Variants in EYS observed in about 807,000 individuals in gnomAD.
EYS encodes EGF-like photoreceptor maintenance factor, also known as protein eyes shut homolog.
In EYS, 250 loss-of-function variants were observed where a neutral mutation model predicts 282.1. The ratio of observed to expected loss-of-function variants is 0.89; its 90% CI spans 0.80 to 0.98. The LOEUF (loss-of-function observed/expected upper bound fraction) is 0.98, where lower values mean the gene tolerates loss of function less well. Ranked by LOEUF, EYS falls within the 50% of genes least tolerant of loss-of-function variation. The pLI is 0.00. For missense variants in EYS, 4,016 were observed against 3,709.0 expected (o/e 1.08, Z -2.15); for synonymous variants, 1,355 against 1,282.9 (o/e 1.06, Z -1.20).
At chr6:65,517,264 T>C (rs1767171392) in intron 2 of EYS, among the ~76,000 whole-genome samples, 1 of 151,860 alleles carries the variant, frequency 6.6e-6, no homozygotes, top group South Asian at 2.1e-4. Flanking sequence ...AATAGCTTAT[T>C]TTCTGTCCCA....
chr6:65,557,312 C>A (rs145898810), intron 2 of EYS, among the ~76,000 whole-genome samples: 1 of 152,144 alleles, frequency 6.6e-6, no homozygotes, highest in Non-Finnish European at 1.5e-5. Context: ...GGAGTGTGTG[C>A]GTGAAAGAGT....
Position 65,207,428 on chromosome 6 carries a change from G to T in EYS, c.2023+88435C>A, listed in dbSNP as rs112509868. Among the ~76,000 whole-genome samples the T allele has an allele frequency of 3.4e-3, 510 of 151,634 alleles. 1 individual carries two copies. Among genetic ancestry groups the T allele is most frequent in the Middle Eastern group, 6.8e-3 (2 of 294 alleles). On this transcript the variant is annotated intron_variant, in intron 12 of 42. Transcript: ENST00000503581. ...CTCATGTTCATGGATTGGAAGAATT[G>T]ATATTGTTAAAAGTACCATAGTGCC...
At chr6:63,920,728 C>T (rs1374936638) in intron 35 of EYS, among the ~76,000 whole-genome samples, 1 of 152,200 alleles carries the variant, frequency 6.6e-6, no homozygotes, top group Non-Finnish European at 1.5e-5. Context: ...AAACAATCAT[C>T]TTCCAGGCAC....
At chr6:63,896,562 T>C (rs2149728442) in intron 35 of EYS, among the ~76,000 whole-genome samples, 1 of 152,268 alleles carries the variant, frequency 6.6e-6, no homozygotes, top group South Asian at 2.1e-4. Flanking sequence ...ACTGACACAT[T>C]TTTATAACTC....
chr6:65,139,252 TA>T (rs1377594013), intron 12 of EYS, among the ~76,000 whole-genome samples: 11 of 151,946 alleles, frequency 7.2e-5, no homozygotes, highest in Middle Eastern at 3.4e-3. Flanking sequence ...TATGCAGCCA[TA>T]AAAAAAGAAT....
intron 35 of EYS, among the ~76,000 whole-genome samples, chr6:63,939,278 A>G (rs571489271): frequency 1.3e-5 from 2 of 152,268 alleles, no homozygotes; most frequent in African/African-American, 4.8e-5. Context: ...TAAGAGGGAT[A>G]CCAAGTTTGT....
intron 22 of EYS, among the ~76,000 whole-genome samples, chr6:64,679,336 G>A (rs920868955): frequency 6.6e-6 from 1 of 151,972 alleles, no homozygotes; most frequent in African/African-American, 2.4e-5. Flanking sequence ...GATATATATA[G>A]CCTAAGGATT....
chr6:64,354,352 T>A (rs1038852775), intron 29 of EYS, among the ~76,000 whole-genome samples: 1 of 151,638 alleles, frequency 6.6e-6, no homozygotes, highest in Non-Finnish European at 1.5e-5. Flanking sequence ...ATCACCACTA[T>A]TGATCATTCC....
intron 12 of EYS, among the ~76,000 whole-genome samples, chr6:65,155,345 A>C (rs1306621710): frequency 6.6e-6 from 1 of 151,504 alleles, no homozygotes; most frequent in Non-Finnish European, 1.5e-5. Flanking sequence ...GCCCACACCA[A>C]GAGCTTTGCC....
At chr6:64,835,778 T>G (rs1765365220) in intron 19 of EYS, among the ~76,000 whole-genome samples, 1 of 151,642 alleles carries the variant, frequency 6.6e-6, no homozygotes, top group East Asian at 1.9e-4. Flanking sequence ...TTATAACAAA[T>G]TTAAACTTTA....
At chr6:65,344,989 A>C (rs1770340490) in intron 9 of EYS, among the ~76,000 whole-genome samples, 1 of 151,718 alleles carries the variant, frequency 6.6e-6, no homozygotes, top group South Asian at 2.1e-4. Flanking sequence ...TATAGTAAAC[A>C]AATCTAAACT....
At chr6:64,222,458 A>G (rs1272717183) in intron 31 of EYS, among the ~76,000 whole-genome samples, 2 of 152,140 alleles carry the variant, frequency 1.3e-5, no homozygotes, top group African/African-American at 4.8e-5. Flanking sequence ...GGTTCACATT[A>G]GCCCTTGTTT....
chr6:65,126,743 T>C (rs560184544), intron 12 of EYS, among the ~76,000 whole-genome samples: 120 of 152,304 alleles, frequency 7.9e-4, no homozygotes, highest in Middle Eastern at 3.4e-3. Context: ...CTGCCACTTA[T>C]TGTGCCAAGT....
At position 64,527,746 on chromosome 6, in the gene EYS, TA is replaced by T. The variant is rs547045227; in HGVS notation, c.5644+62476del. Among the ~76,000 whole-genome samples the T allele has an allele frequency of 1.1e-4, 16 of 151,710 alleles. No homozygotes were observed. The East Asian group carries it at 3.1e-3, about 29-fold the overall frequency. On this transcript the variant is annotated intron_variant, in intron 26 of 42. Transcript: ENST00000503581. ...ATGATATTTAATAAGGAACCATAAATAAAAAATAAAATTTAAAGGAAACCCA... is the reference window on the plus strand; with the variant it reads ...ATGATATTTAATAAGGAACCATAAATAAAAATAAAATTTAAAGGAAACCCA...
At chr6:64,271,549 A>G (rs1276427643) in intron 30 of EYS, among the ~76,000 whole-genome samples, 1 of 152,110 alleles carries the variant, frequency 6.6e-6, no homozygotes, top group African/African-American at 2.4e-5. Flanking sequence ...AGAGCCTCTT[A>G]TATGTTCTTT....
chr6:64,631,178 A>C (rs1582974199), intron 22 of EYS: 1 of 152,318 alleles, frequency 6.6e-6, no homozygotes. Flanking sequence ...GCAACTGTTA[A>C]AAATGAGAAC....
intron 40 of EYS, among the ~76,000 whole-genome samples, chr6:63,772,376 T>A (rs913631480): frequency 2.0e-5 from 3 of 152,124 alleles, no homozygotes; most frequent in African/African-American, 7.2e-5. Flanking sequence ...TATGCCTAGA[T>A]CTCTTTCATG....
At chr6:65,469,769 C>T (rs1289828150) in intron 5 of EYS, among the ~76,000 whole-genome samples, 1 of 151,870 alleles carries the variant, frequency 6.6e-6, no homozygotes, top group African/African-American at 2.4e-5. Flanking sequence ...TCTCACTATC[C>T]TCAAAAAACT....
chr6:64,093,663 A>G (rs776803160), intron 31 of EYS, among the ~76,000 whole-genome samples: 36 of 152,106 alleles, frequency 2.4e-4, no homozygotes, highest in Non-Finnish European at 4.3e-4. Context: ...GGCTGAGATG[A>G]TGGGGTTTTC....
Sources: allele counts gnomAD v4.1 joint callset (sites outside exome capture counted in the v4.1 genomes callset), GRCh38; gene constraint gnomAD v4.1.1; transcripts MANE v1.5; gene names NCBI Gene and HGNC (gene_info 2026-07-23, HGNC 2026-07-21).